Variants in FCHSD2 observed in about 807,000 individuals in gnomAD.
The protein encoded by FCHSD2 is FCH and double SH3 domains 2, also known as F-BAR and double SH3 domains protein 2.
Under a neutral mutation model 108.1 loss-of-function variants are expected in FCHSD2, and 38 were observed. The observed-to-expected ratio is 0.35, with a 90% confidence interval of 0.27 to 0.46. The LOEUF (loss-of-function observed/expected upper bound fraction) is 0.46, where lower values mean the gene tolerates loss of function less well. Ranked by LOEUF, FCHSD2 falls within the 20% of genes least tolerant of loss-of-function variation. The probability of loss-of-function intolerance (pLI) is 1.00; values close to 1 mark genes in which losing one functional copy is unlikely to be tolerated. For synonymous variants in FCHSD2, 279 were observed against 314.7 expected, an observed-to-expected ratio of 0.89 and a Z score of 1.20; for missense variants, 751 against 897.8, an observed-to-expected ratio of 0.84 and a Z score of 2.09.
intron 12 of FCHSD2, among the ~76,000 whole-genome samples, chr11:72,881,518 C>T (rs1443769646): frequency 6.6e-6 from 1 of 152,178 alleles, no homozygotes; most frequent in Non-Finnish European, 1.5e-5. Context: ...ACTATATGAT[C>T]CAGCAATCCC....
At chr11:72,996,028 T>C (rs904403579) in intron 5 of FCHSD2, among the ~76,000 whole-genome samples, 6 of 152,040 alleles carry the variant, frequency 3.9e-5, no homozygotes, top group African/African-American at 1.2e-4. Context: ...TGTAGAAACA[T>C]GAACAATTAA....
At chr11:73,104,758 G>A (rs1295626412) in intron 2 of FCHSD2, among the ~76,000 whole-genome samples, 4 of 151,838 alleles carry the variant, frequency 2.6e-5, no homozygotes, top group African/African-American at 7.3e-5. Flanking sequence ...TAGTAGAGAC[G>A]GGGTTTCACC....
intron 13 of FCHSD2, among the ~76,000 whole-genome samples, chr11:72,863,347 A>G (rs1854646454): frequency 6.6e-6 from 1 of 152,230 alleles, no homozygotes; most frequent in Non-Finnish European, 1.5e-5. Context: ...AATAAAAGAT[A>G]AGCTCATGCT....
chr11:73,107,325 G>A (rs1320138322), intron 2 of FCHSD2, among the ~76,000 whole-genome samples: 1 of 152,160 alleles, frequency 6.6e-6, no homozygotes, highest in Non-Finnish European at 1.5e-5. Flanking sequence ...TGAGATTACA[G>A]GCATGAGCTA....
chr11:73,074,177 A>G (rs185262735), intron 3 of FCHSD2, among the ~76,000 whole-genome samples: 1 of 152,290 alleles, frequency 6.6e-6, no homozygotes, highest in Non-Finnish European at 1.5e-5. Flanking sequence ...GTGCCACAAA[A>G]TATCACTTCA....
chr11:73,089,526 C>A (rs1010290293), intron 2 of FCHSD2, among the ~76,000 whole-genome samples: 2 of 152,168 alleles, frequency 1.3e-5, no homozygotes, highest in South Asian at 4.1e-4. Context: ...ACAGTACAAA[C>A]AACCCACATG....
chr11:73,014,843 T>A (rs539944349), intron 4 of FCHSD2, among the ~76,000 whole-genome samples: 32 of 151,966 alleles, frequency 2.1e-4, no homozygotes, highest in Middle Eastern at 6.8e-3. Context: ...AAAAAAGAAA[T>A]CAAATTCTTT....
chr11:72,908,660 C>T (rs139013123), intron 9 of FCHSD2, among the ~76,000 whole-genome samples: 1 of 152,160 alleles, frequency 6.6e-6, no homozygotes, highest in African/African-American at 2.4e-5. Flanking sequence ...TTTCCATATG[C>T]CTGTCTGCCA....
At chr11:72,930,491 C>T (rs1357261654) in intron 8 of FCHSD2, among the ~76,000 whole-genome samples, 2 of 152,192 alleles carry the variant, frequency 1.3e-5, no homozygotes, top group Non-Finnish European at 2.9e-5. Context: ...GTGGCTCACA[C>T]CTGTAATCCC....
chr11:73,025,075 T>C (rs1174138668), intron 3 of FCHSD2, among the ~76,000 whole-genome samples: 1 of 152,160 alleles, frequency 6.6e-6, no homozygotes, highest in Non-Finnish European at 1.5e-5. Flanking sequence ...TGTGGAAGAC[T>C]GTCATGATTC....
At chr11:72,933,713 A>T (rs1483099393) in intron 8 of FCHSD2, among the ~76,000 whole-genome samples, 4 of 152,208 alleles carry the variant, frequency 2.6e-5, no homozygotes, top group African/African-American at 9.6e-5. Flanking sequence ...CTCTTCAATT[A>T]AACAGATCTC....
chr11:72,841,191 G>T (rs958573222), intron 18 of FCHSD2, among the ~76,000 whole-genome samples: 2 of 151,688 alleles, frequency 1.3e-5, no homozygotes, highest in Non-Finnish European at 2.9e-5. Flanking sequence ...AAAATTAGCT[G>T]TGTGTGGTGG....
intron 8 of FCHSD2, among the ~76,000 whole-genome samples, chr11:72,948,670 T>TG (rs1431476153): frequency 1.6e-4 from 1 of 6,334 alleles, no homozygotes; most frequent in African/African-American, 5.4e-4. Flanking sequence ...AATTTTCATT[T>TG]CTTTTTTTTT....
chr11:73,121,758 C>T (rs1300566850), intron 2 of FCHSD2, among the ~76,000 whole-genome samples: 2 of 151,644 alleles, frequency 1.3e-5, no homozygotes, highest in Non-Finnish European at 2.9e-5. Flanking sequence ...CAGTGGTCCA[C>T]AAACTTTAAT....
At chr11:73,031,671 T>A (rs989188693) in intron 3 of FCHSD2, among the ~76,000 whole-genome samples, 7 of 152,198 alleles carry the variant, frequency 4.6e-5, no homozygotes. Flanking sequence ...TAACCAACAC[T>A]GCTTATACCC....
At position 72,921,878 on chromosome 11, in the gene FCHSD2, A is replaced by C. The variant is rs778208705; in HGVS notation, c.778T>G (p.Cys260Gly). ...IAFSRTELET[C>G]QAVQNTFQFL... ...TGGAATGTGTTCTGCACAGCTTGGC[A>C]TGTTTCTAGCTCAGTCCGGCTGAAG... is the stretch of plus-strand genomic sequence containing the variant. Residue 260 changes from cysteine (C) to glycine (G), a missense_variant, in exon 9 of 20, where the codon TGC becomes GGC. By Grantham distance (159) the Cys-to-Gly change is radical. Coordinates refer to ENST00000409418, the MANE Select transcript of FCHSD2 (RefSeq NM_014824.3). The C allele has an allele frequency of 2.5e-6, 4 of 1,609,538 alleles. No homozygotes were observed. Among genetic ancestry groups the C allele is most frequent in the Non-Finnish European group, 3.4e-6 (4 of 1,177,442 alleles).
At chr11:73,024,200 T>C (rs1282160240) in intron 3 of FCHSD2, among the ~76,000 whole-genome samples, 2 of 152,060 alleles carry the variant, frequency 1.3e-5, no homozygotes, top group African/African-American at 4.8e-5. Context: ...GAACCGAAGA[T>C]AGAATGCAGA....
chr11:73,119,767 A>G (rs1860688722), intron 2 of FCHSD2, among the ~76,000 whole-genome samples: 1 of 152,170 alleles, frequency 6.6e-6, no homozygotes, highest in African/African-American at 2.4e-5. Flanking sequence ...TTTAAAGAGT[A>G]TACAATATTT....
chr11:72,944,061 C>A (rs1378253656), intron 8 of FCHSD2, among the ~76,000 whole-genome samples: 1 of 152,152 alleles, frequency 6.6e-6, no homozygotes, highest in African/African-American at 2.4e-5. Flanking sequence ...AGGCCAGCAT[C>A]ATCCTGATAC....
Sources: gnomAD v4.1 joint callset for allele counts (sites outside exome capture counted in the v4.1 genomes callset) on GRCh38, gnomAD v4.1.1 for gene constraint, MANE v1.5 for transcripts, NCBI Gene and HGNC (gene_info 2026-07-23, HGNC 2026-07-21) for gene names.